Variants in COL22A1 observed in about 807,000 individuals in gnomAD.
COL22A1 encodes the protein collagen type XXII alpha 1 chain, also known as collagen alpha-1(XXII) chain.
COL22A1 carries 221 observed loss-of-function variants against 248.9 expected under a neutral mutation model. The ratio of observed to expected loss-of-function variants is 0.89; its 90% CI spans 0.80 to 0.99. COL22A1 has a LOEUF of 0.99. COL22A1 is among the 50% of genes least tolerant of loss of function. The pLI is 0.00. For missense variants in COL22A1, 2,240 were observed against 2,179.0 expected, an observed-to-expected ratio of 1.03 and a Z score of -0.56; for synonymous variants, 891 against 793.4, an observed-to-expected ratio of 1.12 and a Z score of -2.07.
Position 138,679,664 on chromosome 8 carries a change from T to C in COL22A1, c.3025A>G (p.Lys1009Glu), listed in dbSNP as rs760362245. ...GPLGTKAACG[K>E]VRGSENCALG... The stretch of plus-strand genomic sequence containing the variant: ...GCACAGTTTTCTGACCCTCTGACTT[T>C]TCCGCAAGCAGCCTGAAAGTAGAAA... The change falls in exon 40 of 65, where the codon AAA (lysine) becomes GAA (glutamate). Residue 1009 changes from lysine to glutamate, a missense_variant. Physicochemically the swap from Lys to Glu is moderately conservative, Grantham distance 56 (BLOSUM62 1). Coordinates refer to ENST00000303045, the MANE Select transcript of COL22A1 (RefSeq NM_152888.3). 1.9e-6 allele frequency: 3 copies of C among 1,613,968 alleles called. No homozygotes were observed. The African/African-American group carries it at 4.0e-5, about 22-fold the overall frequency.
At chr8:138,649,280 T>G (rs1035431627) in intron 46 of COL22A1, among the ~76,000 whole-genome samples, 11 of 152,352 alleles carry the variant, frequency 7.2e-5, no homozygotes, top group African/African-American at 2.6e-4. Context: ...CATGAATGGA[T>G]GGATCCATTG....
intron 3 of COL22A1, among the ~76,000 whole-genome samples, chr8:138,872,949 T>C (rs1163683513): frequency 1.3e-5 from 2 of 152,212 alleles, no homozygotes; most frequent in African/African-American, 4.8e-5. Context: ...GGGATATTGA[T>C]TTTTTTCCAA....
chr8:138,591,823 T>C (rs1817078634), intron 63 of COL22A1, among the ~76,000 whole-genome samples: 1 of 152,212 alleles, frequency 6.6e-6, no homozygotes, highest in African/African-American at 2.4e-5. Flanking sequence ...CAGACATATA[T>C]ATATTCAAAC....
intron 7 of COL22A1, among the ~76,000 whole-genome samples, chr8:138,819,787 T>C (rs1818958069): frequency 6.6e-6 from 1 of 150,976 alleles, no homozygotes; most frequent in Admixed American, 6.6e-5. Context: ...TACACACATA[T>C]AAAGGTCACT....
intron 30 of COL22A1, among the ~76,000 whole-genome samples, chr8:138,705,543 T>A (rs1435479432): frequency 6.6e-6 from 1 of 152,118 alleles, no homozygotes; most frequent in East Asian, 1.9e-4. Context: ...GCTTCATAAG[T>A]GAAGGAGAAA....
intron 20 of COL22A1, 111 bp downstream of exon 20, chr8:138,755,371 A>G: frequency 7.5e-7 from 1 of 1,326,678 alleles, no homozygotes; most frequent in Non-Finnish European, 1.1e-6. Context: ...GCAGAAAGGC[A>G]ACTGAAGTCT....
At chr8:138,792,577 C>T (rs935374440) in intron 12 of COL22A1, among the ~76,000 whole-genome samples, 2 of 152,172 alleles carry the variant, frequency 1.3e-5, no homozygotes, top group Non-Finnish European at 2.9e-5. Flanking sequence ...GTACTGAGTC[C>T]ATTCTAATGG....
At chr8:138,699,997 A>T in intron 32 of COL22A1, 115 bp downstream of exon 32, 1 of 947,252 alleles carries the variant, frequency 1.1e-6, no homozygotes, top group Non-Finnish European at 1.7e-6. Context: ...CCTGACAGTG[A>T]TGAACGCGAT....
intron 54 of COL22A1, 21 bp downstream of exon 54, chr8:138,616,893 C>A (rs765063012): frequency 6.2e-7 from 1 of 1,614,004 alleles, no homozygotes; most frequent in African/African-American, 1.3e-5. Flanking sequence ...GGGGGACCTC[C>A]AAAGTGAGGC....
At chr8:138,607,217 A>G (rs1818492679) in intron 57 of COL22A1, among the ~76,000 whole-genome samples, 1 of 152,206 alleles carries the variant, frequency 6.6e-6, no homozygotes, top group Non-Finnish European at 1.5e-5. Flanking sequence ...AGTCCTGGTC[A>G]GCCCATTGCC....
chr8:138,773,079 A>G (rs1008270783), intron 16 of COL22A1, among the ~76,000 whole-genome samples: 17 of 152,242 alleles, frequency 1.1e-4, no homozygotes, highest in Non-Finnish European at 2.4e-4. Flanking sequence ...AAAGCAAAAC[A>G]AACAAAAAAC....
chr8:138,737,650 C>T (rs374343187), intron 22 of COL22A1, 73 bp from the exon 23 acceptor site: 60 of 997,942 alleles, frequency 6.0e-5, no homozygotes, highest in African/African-American at 5.6e-4. Context: ...TAATGAGTCT[C>T]GGTGGACATT....
chr8:138,761,582 CAT>C (rs775710118), intron 17 of COL22A1, among the ~76,000 whole-genome samples: 34 of 140,318 alleles, frequency 2.4e-4, no homozygotes, highest in Admixed American at 4.8e-4. Flanking sequence ...ATATAATTAA[CAT>C]ATATATTTTA....
chr8:138,762,442 G>A lies in COL22A1; in HGVS notation c.1828C>T (p.Pro610Ser), dbSNP rs376218155. 9 of 1,614,002 alleles carry A rather than the reference G, an allele frequency of 5.6e-6. No homozygotes were observed. In the African/African-American group the frequency reaches 8.0e-5, roughly 14 times the overall value. ...TGTCCTGTGTCCCCAGGCTTCCCAGGGAATCCATCCAGGCCTCGCTCTCCC... is the reference window on the plus strand; with the variant it reads ...TGTCCTGTGTCCCCAGGCTTCCCAGAGAATCCATCCAGGCCTCGCTCTCCC... ...EKGERGLDGF[P>S]GKPGDTGQQG... Residue 610 changes from proline to serine, a missense_variant, in exon 17 of 65, where the codon CCT (proline) becomes TCT (serine). Physicochemically the swap from Pro to Ser is moderately conservative, Grantham distance 74. Coordinates refer to ENST00000303045, the MANE Select transcript of COL22A1 (RefSeq NM_152888.3).
intron 49 of COL22A1, among the ~76,000 whole-genome samples, chr8:138,634,557 T>C (rs1820986918): frequency 6.6e-6 from 1 of 152,154 alleles, no homozygotes; most frequent in Non-Finnish European, 1.5e-5. Context: ...ATGTCAAGGC[T>C]ACAGCTACTG....
At chr8:138,609,738 G>A (rs1284416313) in intron 56 of COL22A1, among the ~76,000 whole-genome samples, 1 of 151,812 alleles carries the variant, frequency 6.6e-6, no homozygotes, top group African/African-American at 2.4e-5. Context: ...ACATTGCAGA[G>A]AGGATAAGGG....
chr8:138,735,628 G>A (rs1439770952), intron 23 of COL22A1, among the ~76,000 whole-genome samples: 3 of 152,078 alleles, frequency 2.0e-5, no homozygotes, highest in Non-Finnish European at 4.4e-5. Context: ...TAAAACATAA[G>A]GCAAAACCCA....
intron 9 of COL22A1, among the ~76,000 whole-genome samples, chr8:138,809,522 C>CTT (rs1405048013): frequency 5.1e-5 from 4 of 77,988 alleles, no homozygotes; most frequent in South Asian, 9.8e-4. Context: ...CTCTTTTTTT[C>CTT]TTTTTCTTTT....
chr8:138,718,687 C>T (rs557120890), intron 27 of COL22A1, among the ~76,000 whole-genome samples: 1 of 152,316 alleles, frequency 6.6e-6, no homozygotes, highest in South Asian at 2.1e-4. Flanking sequence ...CAGGGCTCCT[C>T]TAGGACTATG....
Sources: allele counts gnomAD v4.1 joint callset (sites outside exome capture counted in the v4.1 genomes callset), GRCh38; gene constraint gnomAD v4.1.1; transcripts MANE v1.5; gene names NCBI Gene and HGNC (gene_info 2026-07-23, HGNC 2026-07-21).